Variants in ROBO1 observed in about 807,000 individuals in gnomAD.
ROBO1 encodes roundabout homolog 1.
A neutral mutation model predicts 195.9 loss-of-function variants in ROBO1; 149 were observed. That is an observed-to-expected ratio of 0.76 (90% confidence interval 0.67 to 0.87). The LOEUF is 0.87. Among genes scored for constraint, ROBO1 ranks in the 40% least tolerant of loss-of-function variants. The pLI, the probability that ROBO1 is intolerant of heterozygous loss-of-function variation, is 0.00. For missense variants in ROBO1, 1,933 were observed against 2,068.3 expected (o/e 0.93, Z 1.27); for synonymous variants, 816 against 733.2 (o/e 1.11, Z -1.82).
intron 8 of ROBO1, among the ~76,000 whole-genome samples, chr3:78,690,525 G>A (rs2081148578): frequency 6.6e-6 from 1 of 151,936 alleles, no homozygotes; most frequent in South Asian, 2.1e-4. Context: ...TCATTACCCA[G>A]GTATAATAAT....
At chr3:78,792,780 A>C (rs2084060268) in intron 4 of ROBO1, among the ~76,000 whole-genome samples, 1 of 152,186 alleles carries the variant, frequency 6.6e-6, no homozygotes, top group South Asian at 2.1e-4. Context: ...ATTATAAAAT[A>C]AGTAATAAAT....
chr3:79,461,952 A>G (rs1937661860), intron 2 of ROBO1, among the ~76,000 whole-genome samples: 1 of 152,182 alleles, frequency 6.6e-6, no homozygotes, highest in Non-Finnish European at 1.5e-5. Context: ...TTGTTGTCCA[A>G]TCTATCAATC....
At chr3:79,666,731 C>A (rs1412721474) in intron 1 of ROBO1, among the ~76,000 whole-genome samples, 1 of 151,878 alleles carries the variant, frequency 6.6e-6, no homozygotes, top group African/African-American at 2.4e-5. Context: ...ACCTCTTTTT[C>A]TTTATAAATT....
chr3:79,519,877 A>T (rs980813899), intron 2 of ROBO1, among the ~76,000 whole-genome samples: 61 of 152,148 alleles, frequency 4.0e-4, no homozygotes, highest in African/African-American at 1.4e-3. Context: ...GAGACCTTGC[A>T]GCTGGGCACC....
intron 29 of ROBO1, among the ~76,000 whole-genome samples, chr3:78,601,615 TC>T (rs1194322367): frequency 6.6e-6 from 1 of 152,124 alleles, no homozygotes; most frequent in Non-Finnish European, 1.5e-5. Flanking sequence ...CTAAAAACTT[TC>T]CCCTTAAGAC....
At chr3:78,847,601 C>T (rs1454484872) in intron 4 of ROBO1, among the ~76,000 whole-genome samples, 1 of 152,110 alleles carries the variant, frequency 6.6e-6, no homozygotes, top group Admixed American at 6.5e-5. Flanking sequence ...TAACACCTTC[C>T]TTCGAAGGAC....
chr3:78,770,159 C>T (rs1278776855), intron 4 of ROBO1, among the ~76,000 whole-genome samples: 2 of 152,068 alleles, frequency 1.3e-5, no homozygotes, highest in African/African-American at 2.4e-5. Flanking sequence ...TCGATTATTC[C>T]CCCAAATATG....
At chr3:79,689,188 C>A (rs2107060616) in intron 1 of ROBO1, among the ~76,000 whole-genome samples, 1 of 151,854 alleles carries the variant, frequency 6.6e-6, no homozygotes, top group Non-Finnish European at 1.5e-5. Flanking sequence ...GATATCAAAC[C>A]TTTGATTTTA....
chr3:78,928,509 C>A (rs573864243), intron 4 of ROBO1, among the ~76,000 whole-genome samples: 1 of 152,064 alleles, frequency 6.6e-6, no homozygotes, highest in African/African-American at 2.4e-5. Context: ...ATGTTAGAGT[C>A]CAAACACAGA....
At chr3:79,398,859 A>C (rs576323461) in intron 2 of ROBO1, among the ~76,000 whole-genome samples, 2 of 152,246 alleles carry the variant, frequency 1.3e-5, no homozygotes, top group East Asian at 3.9e-4. Context: ...TTTTATGTTA[A>C]TCACACTCTC....
At chr3:78,860,799 T>C (rs111546723) in intron 4 of ROBO1, among the ~76,000 whole-genome samples, 162 of 152,194 alleles carry the variant, frequency 1.1e-3, no homozygotes, top group African/African-American at 3.4e-3. Flanking sequence ...AAATGCTACC[T>C]TTTCCTAGAG....
chr3:79,695,463 T>C (rs539347087), intron 1 of ROBO1, among the ~76,000 whole-genome samples: 41 of 151,712 alleles, frequency 2.7e-4, no homozygotes, highest in African/African-American at 9.4e-4. Context: ...GGGCTATTGA[T>C]TATCAATTTA....
intron 2 of ROBO1, among the ~76,000 whole-genome samples, chr3:79,350,536 A>G (rs1419863262): frequency 1.3e-5 from 2 of 152,226 alleles, no homozygotes; most frequent in East Asian, 3.9e-4. Flanking sequence ...AGAAACTACA[A>G]TCCAAATGTC....
At chr3:79,410,579 A>C (rs1247352222) in intron 2 of ROBO1, among the ~76,000 whole-genome samples, 2 of 151,468 alleles carry the variant, frequency 1.3e-5, no homozygotes, top group African/African-American at 4.8e-5. Context: ...AGAAAACAAG[A>C]GATTAAAGGA....
chr3:78,850,069 G>C (rs2033954472), intron 4 of ROBO1, among the ~76,000 whole-genome samples: 1 of 152,136 alleles, frequency 6.6e-6, no homozygotes, highest in African/African-American at 2.4e-5. Context: ...CTGTGGCCTA[G>C]AGCAACAGGT....
intron 1 of ROBO1, among the ~76,000 whole-genome samples, chr3:79,614,368 A>G (rs910149072): frequency 6.6e-6 from 1 of 152,094 alleles, no homozygotes; most frequent in African/African-American, 2.4e-5. Context: ...TATATCACCC[A>G]CATGTATCCA....
intron 2 of ROBO1, among the ~76,000 whole-genome samples, chr3:79,567,458 A>G (rs181517233): frequency 3.3e-5 from 5 of 152,336 alleles, no homozygotes; most frequent in Admixed American, 1.3e-4. Context: ...TAAAGTGCAG[A>G]TAGCATTCCA....
At chr3:79,295,149 G>T (rs2032509211) in intron 2 of ROBO1, among the ~76,000 whole-genome samples, 1 of 152,138 alleles carries the variant, frequency 6.6e-6, no homozygotes, top group Non-Finnish European at 1.5e-5. Context: ...ACATGCATAT[G>T]TATGCTTATT....
chr3:79,258,848 C>T (rs1187506654), intron 2 of ROBO1, among the ~76,000 whole-genome samples: 3 of 152,018 alleles, frequency 2.0e-5, no homozygotes, highest in Admixed American at 6.6e-5. Context: ...TATTGGGCAA[C>T]CCTATTAGGG....
Sources: gnomAD v4.1 joint callset for allele counts (sites outside exome capture counted in the v4.1 genomes callset) on GRCh38, gnomAD v4.1.1 for gene constraint, MANE v1.5 for transcripts, NCBI Gene and HGNC (gene_info 2026-07-23, HGNC 2026-07-21) for gene names.